CYRIB: variants seen among roughly 807,000 people sequenced by gnomAD.
The protein encoded by CYRIB is CYFIP-related Rac1 interactor B.
A neutral mutation model predicts 44.2 loss-of-function variants in CYRIB; 8 were observed. The observed-to-expected ratio is 0.18, with a 90% CI of 0.11 to 0.33. The LOEUF (loss-of-function observed/expected upper bound fraction) is 0.33, where lower values mean the gene tolerates loss of function less well. CYRIB is among the 10% of genes least tolerant of loss of function. CYRIB has a pLI of 1.00. For synonymous variants in CYRIB, 131 were observed against 127.2 expected, an observed-to-expected ratio of 1.03 and a Z score of -0.20; for missense variants, 185 against 382.8, an observed-to-expected ratio of 0.48 and a Z score of 4.31.
At chr8:129,841,655 C>T (rs1273150714) in exon 12 of CYRIB, 1 of 153,096 alleles carries the variant, frequency 6.5e-6, no homozygotes, top group Non-Finnish European at 1.5e-5. Flanking sequence ...AAAAGTATTA[C>T]TAATTTAAAA....
At chr8:130,006,614 ATGTGT>A (rs2097094298) in intron 1 of CYRIB, among the ~76,000 whole-genome samples, 2 of 16,624 alleles carry the variant, frequency 1.2e-4, no homozygotes, top group Admixed American at 1.3e-3. Context: ...ATACATATAT[ATGTGT>A]ATATATATAC....
At chr8:129,968,815 G>C (rs1264510247) in intron 2 of CYRIB, among the ~76,000 whole-genome samples, 1 of 152,028 alleles carries the variant, frequency 6.6e-6, no homozygotes, top group Non-Finnish European at 1.5e-5. Context: ...AAGTATTGAA[G>C]TTTTTCTAGC....
intron 1 of CYRIB, among the ~76,000 whole-genome samples, chr8:130,011,538 C>T (rs1360758431): frequency 6.6e-6 from 1 of 151,504 alleles, no homozygotes; most frequent in Non-Finnish European, 1.5e-5. Flanking sequence ...AAAAATTAGG[C>T]TGGGCATGGT....
intron 1 of CYRIB, among the ~76,000 whole-genome samples, chr8:129,977,724 G>T (rs1430421331): frequency 2.0e-5 from 3 of 151,914 alleles, no homozygotes; most frequent in South Asian, 2.1e-4. Context: ...AGTAGAGATG[G>T]GGTTTCACCG....
At chr8:129,904,614 G>C (rs2074241807) in intron 1 of CYRIB, 29 bp from the exon 3 acceptor site, 11 of 152,158 alleles carry the variant, frequency 7.2e-5, no homozygotes, top group Admixed American at 7.2e-4. Flanking sequence ...CTCAGTTTCT[G>C]CTTTTGGAGT....
At chr8:129,991,231 T>C (rs576273040) in intron 1 of CYRIB, among the ~76,000 whole-genome samples, 1 of 151,676 alleles carries the variant, frequency 6.6e-6, no homozygotes, top group African/African-American at 2.4e-5. Flanking sequence ...ATTGTATCTC[T>C]AGGCCCTAAC....
chr8:129,875,587 TAACTG>T (rs936197595), intron 3 of CYRIB, among the ~76,000 whole-genome samples: 12 of 152,166 alleles, frequency 7.9e-5, no homozygotes, highest in Non-Finnish European at 1.3e-4. Flanking sequence ...GCTTATATTT[TAACTG>T]AACTATTATT....
At chr8:129,955,861 T>C (rs2094797122) in intron 2 of CYRIB, among the ~76,000 whole-genome samples, 1 of 152,206 alleles carries the variant, frequency 6.6e-6, no homozygotes, top group Non-Finnish European at 1.5e-5. Flanking sequence ...TGTTGCAAAA[T>C]GTGCTTCTAA....
chr8:129,990,446 G>C (rs1177020884), intron 1 of CYRIB, among the ~76,000 whole-genome samples: 1 of 151,948 alleles, frequency 6.6e-6, no homozygotes, highest in Non-Finnish European at 1.5e-5. Context: ...CAAATGAATA[G>C]GTAAAGAACA....
chr8:130,013,029 C>T (rs914753454), intron 1 of CYRIB, among the ~76,000 whole-genome samples: 2 of 152,190 alleles, frequency 1.3e-5, no homozygotes, highest in African/African-American at 4.8e-5. Context: ...TCCTCCCACC[C>T]GAATTTCCTT....
intron 1 of CYRIB, among the ~76,000 whole-genome samples, chr8:130,000,348 T>C (rs1233154909): frequency 2.0e-5 from 3 of 152,172 alleles, no homozygotes; most frequent in East Asian, 1.9e-4. Flanking sequence ...GAAATACTTA[T>C]ATACACACAT....
chr8:130,002,492 G>A (rs896922796), intron 1 of CYRIB, among the ~76,000 whole-genome samples: 3 of 151,966 alleles, frequency 2.0e-5, no homozygotes, highest in Non-Finnish European at 4.4e-5. Flanking sequence ...AAAAAAGAAG[G>A]GGAGAAGGGA....
chr8:129,863,847 T>A (rs1376422839), intron 4 of CYRIB, among the ~76,000 whole-genome samples: 2 of 152,238 alleles, frequency 1.3e-5, no homozygotes, highest in African/African-American at 4.8e-5. Flanking sequence ...AACATGTTCT[T>A]CAACAACCTG....
intron 4 of CYRIB, 85 bp from the exon 7 acceptor site, chr8:129,862,419 A>C (rs546928021): frequency 1.9e-6 from 2 of 1,038,948 alleles, no homozygotes; most frequent in Non-Finnish European, 2.9e-6. Flanking sequence ...TTTAGCAAAC[A>C]TAGGAAACAC....
chr8:129,939,105 A>G (rs1290571890), intron 1 of CYRIB, among the ~76,000 whole-genome samples: 1 of 151,976 alleles, frequency 6.6e-6, no homozygotes. Flanking sequence ...CTTCAAAACC[A>G]GGGACCAGGA....
At chr8:129,988,673 C>T (rs984359488) in intron 1 of CYRIB, among the ~76,000 whole-genome samples, 2 of 152,166 alleles carry the variant, frequency 1.3e-5, no homozygotes, top group East Asian at 1.9e-4. Context: ...TCTTCCCCTC[C>T]GTGATTACCA....
intron 1 of CYRIB, among the ~76,000 whole-genome samples, chr8:129,979,199 C>A (rs2096096025): frequency 1.3e-5 from 2 of 151,754 alleles, no homozygotes; most frequent in Non-Finnish European, 2.9e-5. Context: ...TGTTTTACAA[C>A]CCTAATACCA....
At chr8:129,897,322 T>G (rs1020633848) in intron 2 of CYRIB, among the ~76,000 whole-genome samples, 1 of 152,132 alleles carries the variant, frequency 6.6e-6, no homozygotes, top group Non-Finnish European at 1.5e-5. Context: ...AATGACTGAA[T>G]AAGCACAATT....
At chr8:129,871,983 A>G (rs115472860) in intron 3 of CYRIB, among the ~76,000 whole-genome samples, 1 of 152,222 alleles carries the variant, frequency 6.6e-6, no homozygotes, top group African/African-American at 2.4e-5. Context: ...TTTTGATATA[A>G]AAAAGTAAAA....
Sources: gnomAD v4.1 joint callset for allele counts (sites outside exome capture counted in the v4.1 genomes callset) on GRCh38, gnomAD v4.1.1 for gene constraint, MANE v1.5 for transcripts, NCBI Gene and HGNC (gene_info 2026-07-23, HGNC 2026-07-21) for gene names.